GAB2: variants seen among roughly 807,000 people sequenced by gnomAD.
The protein encoded by GAB2 is GRB2 associated binding protein 2, also known as GRB2-associated-binding protein 2.
Under a neutral mutation model 65.5 loss-of-function variants are expected in GAB2, and 26 were observed. The observed-to-expected ratio is 0.40, with a 90% CI of 0.29 to 0.55. The LOEUF is 0.55. Among genes scored for constraint, GAB2 ranks in the 20% least tolerant of loss-of-function variants. GAB2 has a pLI of 0.53. For missense variants in GAB2, 884 were observed against 875.8 expected (o/e 1.01, Z -0.12); for synonymous variants, 321 against 329.6 (o/e 0.97, Z 0.28).
chr11:78,229,260 T>TA (rs1389021678), intron 3 of GAB2, among the ~76,000 whole-genome samples: 1 of 150,734 alleles, frequency 6.6e-6, no homozygotes, highest in Non-Finnish European at 1.5e-5. Context: ...AATGGTGTTC[T>TA]AGTTGAAGGC....
At chr11:78,329,484 C>T (rs1855879915) in intron 1 of GAB2, among the ~76,000 whole-genome samples, 1 of 152,144 alleles carries the variant, frequency 6.6e-6, no homozygotes, top group Admixed American at 6.6e-5. Flanking sequence ...ATCATGAACT[C>T]CTTGAAGGCA....
At chr11:78,330,204 A>T (rs1855892040) in intron 1 of GAB2, among the ~76,000 whole-genome samples, 1 of 152,158 alleles carries the variant, frequency 6.6e-6, no homozygotes, top group Non-Finnish European at 1.5e-5. Context: ...TGGAGTTCTT[A>T]AACTAGAACA....
intron 2 of GAB2, among the ~76,000 whole-genome samples, chr11:78,262,050 A>C (rs1309914330): frequency 6.6e-6 from 1 of 152,242 alleles, no homozygotes. Context: ...CAGACTTATC[A>C]GTTGTGGATG....
At chr11:78,353,026 C>A (rs1856302758) in intron 1 of GAB2, among the ~76,000 whole-genome samples, 1 of 152,152 alleles carries the variant, frequency 6.6e-6, no homozygotes, top group Non-Finnish European at 1.5e-5. Flanking sequence ...GATCAAGAAT[C>A]CTTATGCAAG....
intron 1 of GAB2, among the ~76,000 whole-genome samples, chr11:78,400,824 C>T (rs1011648841): frequency 2.1e-5 from 3 of 143,296 alleles, no homozygotes; most frequent in Non-Finnish European, 4.5e-5. Context: ...GAATTGCTTA[C>T]GCCTAGGAGG....
intron 1 of GAB2, among the ~76,000 whole-genome samples, chr11:78,292,588 A>G (rs1299612592): frequency 1.3e-5 from 2 of 152,192 alleles, no homozygotes; most frequent in Non-Finnish European, 2.9e-5. Flanking sequence ...CTATCCTAAT[A>G]TATTTCAACA....
intron 1 of GAB2, among the ~76,000 whole-genome samples, chr11:78,328,742 A>G (rs541460421): frequency 1.5e-4 from 21 of 142,916 alleles, no homozygotes; most frequent in African/African-American, 5.4e-4. Context: ...TATGGTAGAA[A>G]AAAAATCAGA....
chr11:78,326,612 G>A (rs191812552), intron 1 of GAB2, among the ~76,000 whole-genome samples: 67 of 152,240 alleles, frequency 4.4e-4, no homozygotes, highest in South Asian at 1.2e-3. Context: ...AAAGAGTCAC[G>A]TTGCTTCCAT....
intron 2 of GAB2, among the ~76,000 whole-genome samples, chr11:78,250,629 A>C (rs1050461965): frequency 1.3e-5 from 2 of 152,040 alleles, no homozygotes; most frequent in African/African-American, 4.8e-5. Flanking sequence ...GTGACTTCCT[A>C]TCACAATGTA....
chr11:78,356,581 G>C (rs1159071543), intron 1 of GAB2, among the ~76,000 whole-genome samples: 1 of 152,068 alleles, frequency 6.6e-6, no homozygotes, highest in Non-Finnish European at 1.5e-5. Context: ...TAAGACTTTG[G>C]TTTTGAGCAA....
intron 1 of GAB2, among the ~76,000 whole-genome samples, chr11:78,383,992 C>T (rs147082180): frequency 1.3e-5 from 2 of 152,234 alleles, no homozygotes; most frequent in African/African-American, 2.4e-5. Context: ...AGAGCAGCAG[C>T]GTGGCGACAG....
At chr11:78,397,260 AAT>A (rs901447034) in intron 1 of GAB2, among the ~76,000 whole-genome samples, 2 of 152,244 alleles carry the variant, frequency 1.3e-5, no homozygotes, top group African/African-American at 2.4e-5. Flanking sequence ...TCGCCAAGGC[AAT>A]ATAACCAATC....
intron 2 of GAB2, among the ~76,000 whole-genome samples, chr11:78,257,692 T>C (rs756349560): frequency 6.6e-6 from 1 of 152,180 alleles, no homozygotes; most frequent in Non-Finnish European, 1.5e-5. Flanking sequence ...GCCGTACAGA[T>C]GGTATACGGG....
intron 4 of GAB2, among the ~76,000 whole-genome samples, chr11:78,225,650 A>G (rs1239493234): frequency 6.6e-6 from 1 of 152,250 alleles, no homozygotes; most frequent in Non-Finnish European, 1.5e-5. Flanking sequence ...ATGACTGCTC[A>G]AATTGTCGAT....
At chr11:78,251,333 A>G (rs1369499389) in intron 2 of GAB2, among the ~76,000 whole-genome samples, 1 of 152,140 alleles carries the variant, frequency 6.6e-6, no homozygotes, top group Non-Finnish European at 1.5e-5. Context: ...GGACAGTTAC[A>G]TTCCCCACTG....
intron 1 of GAB2, among the ~76,000 whole-genome samples, chr11:78,346,283 T>C (rs2134697517): frequency 6.6e-6 from 1 of 152,256 alleles, no homozygotes; most frequent in South Asian, 2.1e-4. Flanking sequence ...ATACCCTTTA[T>C]AAGCTTCCAA....
intron 1 of GAB2, among the ~76,000 whole-genome samples, chr11:78,358,242 C>T (rs1165754056): frequency 1.5e-5 from 2 of 135,502 alleles, no homozygotes; most frequent in East Asian, 4.2e-4. Context: ...GGGAATTGAA[C>T]AATGAGAACA....
intron 1 of GAB2, among the ~76,000 whole-genome samples, chr11:78,361,390 T>C (rs544168516): frequency 6.6e-6 from 1 of 152,194 alleles, no homozygotes; most frequent in Admixed American, 6.5e-5. Flanking sequence ...TTTCAAATCC[T>C]GCATGGCAAC....
At chr11:78,227,240 C>A (rs998150652) in intron 3 of GAB2, among the ~76,000 whole-genome samples, 189 bp from the exon 4 acceptor site, 3 of 152,154 alleles carry the variant, frequency 2.0e-5, no homozygotes, top group African/African-American at 7.2e-5. Context: ...CATCCGTCCC[C>A]CATCTCCAAA....
Sources: gnomAD v4.1 joint callset for allele counts (sites outside exome capture counted in the v4.1 genomes callset) on GRCh38, gnomAD v4.1.1 for gene constraint, MANE v1.5 for transcripts, NCBI Gene and HGNC (gene_info 2026-07-23, HGNC 2026-07-21) for gene names.